Variants in MSANTD3 observed in about 807,000 individuals in gnomAD.
MSANTD3 encodes Myb/SANT DNA binding domain containing 3.
Under a neutral mutation model 27.7 loss-of-function variants are expected in MSANTD3, and 11 were observed. The ratio of observed to expected loss-of-function variants is 0.40; its 90% CI spans 0.25 to 0.66. The LOEUF is 0.66. MSANTD3 is among the 30% of genes least tolerant of loss of function. The pLI is 0.41. For missense variants in MSANTD3, 250 were observed against 336.5 expected (o/e 0.74, Z 2.01); for synonymous variants, 131 against 127.2 (o/e 1.03, Z -0.20).
At chr9:100,445,101 T>C (rs530378411) in intron 2 of MSANTD3, 1 of 882,214 alleles carries the variant, frequency 1.1e-6, no homozygotes, top group Non-Finnish European at 1.9e-6. Context: ...TACTAGTAGG[T>C]AGGGTACTGG....
Position 100,427,352 on chromosome 9 carries a change from G to C in MSANTD3, c.-75G>C, listed in dbSNP as rs1158966895. 6.8e-6 allele frequency: 1 copy of C among 146,790 alleles called. No individual in the cohort carries two copies. Among genetic ancestry groups the C allele is most frequent in the South Asian group, 2.1e-4 (1 of 4,834 alleles). The allele number at this position is 146,790 out of a possible 1,614,324, so 9.1% of individuals were successfully genotyped here. ...GGCCGCCCGCCCTCGCGCCTCGCCG[G>C]CCCCTCCCCCGGTCGCCGCGGCTGC... On this transcript the variant is annotated 5_prime_UTR_variant, in exon 1 of 3. Coordinates refer to ENST00000395067, the MANE Select transcript of MSANTD3 (RefSeq NM_080655.3).
At chr9:100,429,719 G>C (rs975406045) in intron 1 of MSANTD3, 18 of 152,008 alleles carry the variant, frequency 1.2e-4, no homozygotes, top group African/African-American at 4.4e-4. Context: ...TTTTTTTTTG[G>C]GGGGGGACAG....
chr9:100,441,806 A>G lies in MSANTD3; in HGVS notation c.-33-100A>G, dbSNP rs747839756. 497 of 1,301,126 alleles carry G rather than the reference A, an allele frequency of 3.8e-4. 1 individual carries two copies. Among genetic ancestry groups the G allele is most frequent in the Non-Finnish European group, 4.9e-4 (472 of 966,518 alleles). 80.6% of individuals were successfully genotyped at this position (1,301,126 alleles called of 1,614,324 possible). A position where few individuals can be genotyped will look rare whatever the true frequency, so the allele number is the denominator to read the frequency against. ...ACCTTAATGGAAAAGAAAGTACTGT[A>G]TTTCAGACAAGGGAATCAAGTCAGG... On this transcript the variant is annotated intron_variant, in intron 1 of 2. Coordinates refer to ENST00000395067, the MANE Select transcript of MSANTD3 (RefSeq NM_080655.3).
chr9:100,428,398 T>C (rs1240489539), intron 1 of MSANTD3, among the ~76,000 whole-genome samples: 2 of 152,116 alleles, frequency 1.3e-5, no homozygotes, highest in Non-Finnish European at 2.9e-5. Flanking sequence ...AAAACATAGT[T>C]TCTGAGTTAG....
At position 100,427,363 on chromosome 9, in the gene MSANTD3, G is replaced by C. The variant is rs939062755; in HGVS notation, c.-64G>C. The C allele has an allele frequency of 6.8e-6, 1 of 146,688 alleles. No individual in the cohort carries two copies. Among genetic ancestry groups the C allele is most frequent in the Non-Finnish European group, 1.5e-5 (1 of 65,938 alleles). 9.1% of individuals were successfully genotyped at this position (146,688 alleles called of 1,614,324 possible). ...CTCGCGCCTCGCCGGCCCCTCCCCC[G>C]GTCGCCGCGGCTGCCGCGCCGCCGC... On this transcript the variant is annotated 5_prime_UTR_variant, in exon 1 of 3. Transcript: ENST00000395067.
Position 100,450,592 on chromosome 9 carries a change from G to A in MSANTD3, c.454G>A (p.Asp152Asn). Residue 152 changes from aspartate (D) to asparagine (N), a missense_variant, in exon 3 of 3, where the codon GAT becomes AAT. Asp to Asn is a conservative substitution (Grantham distance 23, BLOSUM62 1). Transcript: ENST00000395067. ...TGTTTCAAATAGAGAACTGTGCGAT[G>A]ATGAGAAAGAGTTCATACATTTTCC... ...FAVSNRELCD[D>N]EKEFIHFPVC... 1.3e-6 allele frequency: 2 copies of A among 1,592,322 alleles called. No homozygotes were observed. Among genetic ancestry groups the A allele is most frequent in the Non-Finnish European group, 1.7e-6 (2 of 1,172,642 alleles).
chr9:100,442,388 T>C (rs1182180648), intron 2 of MSANTD3, 32 bp downstream of exon 2: 1 of 1,560,442 alleles, frequency 6.4e-7, no homozygotes, highest in East Asian at 2.3e-5. Context: ...GTGCACGCTC[T>C]CACTGGGTAT....
chr9:100,448,722 AG>A (rs1836815523), intron 2 of MSANTD3: 1 of 985,256 alleles, frequency 1.0e-6, no homozygotes, highest in Non-Finnish European at 1.2e-6. Flanking sequence ...GTTCTGCCAG[AG>A]GTAGGCCCAG....
At chr9:100,445,120 C>G in intron 2 of MSANTD3, 1 of 1,165,162 alleles carries the variant, frequency 8.6e-7, no homozygotes, top group Non-Finnish European at 1.3e-6. Context: ...GGTACTCTTT[C>G]TATACAGTAA....
At chr9:100,436,394 C>T (rs1291867726) in intron 1 of MSANTD3, among the ~76,000 whole-genome samples, 1 of 152,194 alleles carries the variant, frequency 6.6e-6, no homozygotes, top group Non-Finnish European at 1.5e-5. Flanking sequence ...AAAATATCTG[C>T]ATTTATGAAA....
At chr9:100,443,228 C>T (rs570464349) in intron 2 of MSANTD3, among the ~76,000 whole-genome samples, 361 of 151,758 alleles carry the variant, frequency 2.4e-3, no homozygotes, top group African/African-American at 8.3e-3. Flanking sequence ...GGAGAAACCC[C>T]GTCTCTACTA....
At chr9:100,443,569 A>C (rs1836682201) in intron 2 of MSANTD3, among the ~76,000 whole-genome samples, 1 of 152,212 alleles carries the variant, frequency 6.6e-6, no homozygotes, top group African/African-American at 2.4e-5. Context: ...AAGCTCCAAA[A>C]GAAATTAACT....
chr9:100,442,915 T>C (rs1198815743), intron 2 of MSANTD3, among the ~76,000 whole-genome samples: 3 of 150,256 alleles, frequency 2.0e-5, no homozygotes, highest in Admixed American at 6.7e-5. Flanking sequence ...TAAAGAAAAA[T>C]AAGGGACTGG....
At chr9:100,450,495 G>GT in intron 2 of MSANTD3, 62 bp from the exon 3 acceptor site, 2 of 1,396,774 alleles carry the variant, frequency 1.4e-6, no homozygotes, top group South Asian at 2.9e-5. Context: ...AAATAGGATT[G>GT]GTTTTTTTTT....
At chr9:100,448,520 TC>T (rs758479001) in intron 2 of MSANTD3, 19 of 985,422 alleles carry the variant, frequency 1.9e-5, no homozygotes, top group Non-Finnish European at 1.9e-5. Flanking sequence ...AGAGCACTGT[TC>T]CTTCTCCATG....
At chr9:100,448,964 C>T (rs576237971) in intron 2 of MSANTD3, 2 of 985,178 alleles carry the variant, frequency 2.0e-6, no homozygotes, top group African/African-American at 3.5e-5. Flanking sequence ...TAGCCATTTT[C>T]CTTTTATTAA....
chr9:100,431,071 C>T (rs56313595), intron 1 of MSANTD3, among the ~76,000 whole-genome samples: 22,506 of 151,428 alleles, frequency 0.15, 1,870 homozygotes, highest in Middle Eastern at 0.21. Flanking sequence ...GGCGCAATCT[C>T]GGCTCACCGC....
chr9:100,443,772 C>T (rs1176986287), intron 2 of MSANTD3, among the ~76,000 whole-genome samples: 6 of 152,112 alleles, frequency 3.9e-5, no homozygotes, highest in Admixed American at 2.6e-4. Flanking sequence ...TCCAGAAATT[C>T]CTGCTTCTTT....
rs546618970 is a variant in MSANTD3 at position 100,429,207 on chromosome 9, C to T, written c.-34+1814C>T. Among the ~76,000 whole-genome samples the T allele has an allele frequency of 3.9e-5, 6 of 152,154 alleles. No homozygotes were observed. The South Asian group carries it at 1.0e-3, about 26-fold the overall frequency. The stretch of plus-strand genomic sequence containing the variant: ...CATTGAAGCAGAGAGTAGGTGGGTA[C>T]GTAGCGATGGTGAAGGTAGGGAACA... On this transcript the variant is annotated intron_variant, in intron 1 of 2. Coordinates refer to ENST00000395067, the MANE Select transcript of MSANTD3 (RefSeq NM_080655.3).
Sources: allele counts gnomAD v4.1 joint callset (sites outside exome capture counted in the v4.1 genomes callset), GRCh38; gene constraint gnomAD v4.1.1; transcripts MANE v1.5; gene names NCBI Gene and HGNC (gene_info 2026-07-23, HGNC 2026-07-21).